SLC16A12: variants seen among roughly 807,000 people sequenced by gnomAD.
SLC16A12 encodes the protein solute carrier family 16 member 12.
Under a neutral mutation model 42.4 loss-of-function variants are expected in SLC16A12, and 17 were observed. The observed-to-expected ratio is 0.40, with a 90% CI of 0.27 to 0.60. The LOEUF (loss-of-function observed/expected upper bound fraction) is 0.60, where lower values mean the gene tolerates loss of function less well. Among genes scored for constraint, SLC16A12 ranks in the 20% least tolerant of loss-of-function variants. SLC16A12 has a pLI of 0.42. For synonymous variants in SLC16A12, 224 were observed against 229.4 expected, an observed-to-expected ratio of 0.98 and a Z score of 0.21; for missense variants, 544 against 623.0, an observed-to-expected ratio of 0.87 and a Z score of 1.35.
chr10:89,453,549 A>G (rs893755620), intron 3 of SLC16A12, among the ~76,000 whole-genome samples: 1 of 152,192 alleles, frequency 6.6e-6, no homozygotes, highest in African/African-American at 2.4e-5. Flanking sequence ...ACAATTGTCT[A>G]CAGTATTCAG....
At position 89,438,610 on chromosome 10, in the gene SLC16A12, T is replaced by C. The variant is rs1254570734; in HGVS notation, c.1022A>G (p.Asp341Gly). ...GTGGTTTCATGAATTTTACCTTCTG[T>C]CGGTCAGCCATCCAAATGTGATATT... ...IGNITFGWLT[D>G]RRCLKNYQYV... Residue 341 changes from aspartate to glycine, a missense_variant, in exon 6 of 8, where the codon GAC (aspartate) becomes GGC (glycine). By Grantham distance (94) the Asp-to-Gly change is moderately conservative. Coordinates refer to ENST00000371790, the MANE Select transcript of SLC16A12 (RefSeq NM_213606.4). The C allele has an allele frequency of 3.7e-6, 6 of 1,613,506 alleles. No individual in the cohort carries two copies. Among genetic ancestry groups the C allele is most frequent in the East Asian group, 4.5e-5 (2 of 44,890 alleles).
intron 6 of SLC16A12, 92 bp from the exon 7 acceptor site, chr10:89,436,411 T>G (rs1841787724): frequency 6.8e-7 from 1 of 1,478,746 alleles, no homozygotes; most frequent in Non-Finnish European, 9.4e-7. Context: ...AGCATTGCAG[T>G]TATTTACAGA....
chr10:89,522,232 C>T (rs989065022), intron 2 of SLC16A12, among the ~76,000 whole-genome samples: 2 of 152,152 alleles, frequency 1.3e-5, no homozygotes, highest in African/African-American at 4.8e-5. Context: ...TTCTTGAATC[C>T]CAACTGTCTA....
intron 2 of SLC16A12, among the ~76,000 whole-genome samples, chr10:89,468,392 A>G (rs1409856928): frequency 6.6e-6 from 1 of 152,238 alleles, no homozygotes; most frequent in Non-Finnish European, 1.5e-5. Context: ...CAGAGAAATG[A>G]AAGGACTCCC....
chr10:89,485,587 G>C (rs891512405), intron 2 of SLC16A12, among the ~76,000 whole-genome samples: 6 of 152,290 alleles, frequency 3.9e-5, no homozygotes, highest in Admixed American at 1.3e-4. Context: ...AGATAGGCTT[G>C]GGGGAGAACA....
chr10:89,527,666 G>A (rs1843477058), intron 2 of SLC16A12, among the ~76,000 whole-genome samples: 1 of 151,684 alleles, frequency 6.6e-6, no homozygotes, highest in Non-Finnish European at 1.5e-5. Context: ...ATTTATCTGG[G>A]CATGGTGGTG....
chr10:89,546,991 C>T (rs1843745509), intron 2 of SLC16A12, among the ~76,000 whole-genome samples: 1 of 152,114 alleles, frequency 6.6e-6, no homozygotes, highest in African/African-American at 2.4e-5. Flanking sequence ...AGTGAGAACA[C>T]ATGGACACAG....
At chr10:89,528,396 C>T (rs1843489308) in intron 2 of SLC16A12, among the ~76,000 whole-genome samples, 1 of 152,044 alleles carries the variant, frequency 6.6e-6, no homozygotes, top group African/African-American at 2.4e-5. Flanking sequence ...CAAAAATACC[C>T]ATATGGTACC....
At chr10:89,441,610 A>G (rs746301197) in intron 4 of SLC16A12, among the ~76,000 whole-genome samples, 1 of 152,220 alleles carries the variant, frequency 6.6e-6, no homozygotes, top group Admixed American at 6.5e-5. Flanking sequence ...ATCATATATC[A>G]TTAGCAATAA....
intron 3 of SLC16A12, among the ~76,000 whole-genome samples, chr10:89,461,870 A>G (rs1354351119): frequency 2.0e-5 from 3 of 152,216 alleles, no homozygotes; most frequent in Non-Finnish European, 4.4e-5. Flanking sequence ...AAAATACTGT[A>G]GGACATTTCC....
intron 2 of SLC16A12, among the ~76,000 whole-genome samples, chr10:89,465,267 A>T (rs888014688): frequency 2.0e-5 from 3 of 152,372 alleles, no homozygotes; most frequent in Admixed American, 1.3e-4. Context: ...AATGCCCTGC[A>T]CTGCTTCTAC....
intron 2 of SLC16A12, among the ~76,000 whole-genome samples, chr10:89,528,772 A>G (rs1231918848): frequency 2.0e-5 from 3 of 152,246 alleles, no homozygotes; most frequent in East Asian, 3.8e-4. Flanking sequence ...TTTAAAAACT[A>G]TCAATACCCT....
chr10:89,465,945 C>G (rs988403249), intron 2 of SLC16A12, among the ~76,000 whole-genome samples: 3 of 152,168 alleles, frequency 2.0e-5, no homozygotes, highest in African/African-American at 7.2e-5. Flanking sequence ...CCCTCTTCTT[C>G]CTGTAGATTC....
chr10:89,497,845 T>C (rs1053838138), intron 2 of SLC16A12, among the ~76,000 whole-genome samples: 1 of 152,204 alleles, frequency 6.6e-6, no homozygotes, highest in Non-Finnish European at 1.5e-5. Context: ...GTCTCAGAGC[T>C]ATATTTTATG....
intron 3 of SLC16A12, 29 bp from the exon 4 acceptor site, chr10:89,443,888 C>CA (rs763187505): frequency 2.8e-6 from 4 of 1,411,904 alleles, no homozygotes; most frequent in Non-Finnish European, 4.0e-6. Flanking sequence ...GCATTTTATA[C>CA]AAAAAATGAA....
At chr10:89,436,447 T>C in intron 6 of SLC16A12, 128 bp from the exon 7 acceptor site, 1 of 1,094,974 alleles carries the variant, frequency 9.1e-7, no homozygotes, top group Non-Finnish European at 1.4e-6. Context: ...GTGTGTTATG[T>C]ATGCTGTCTT....
chr10:89,492,611 A>C (rs1842863322), intron 2 of SLC16A12, among the ~76,000 whole-genome samples: 1 of 152,124 alleles, frequency 6.6e-6, no homozygotes, highest in Non-Finnish European at 1.5e-5. Flanking sequence ...TCTACTAAAA[A>C]CACAAGAGTG....
intron 2 of SLC16A12, among the ~76,000 whole-genome samples, chr10:89,518,140 A>G (rs1843286514): frequency 6.6e-6 from 1 of 152,192 alleles, no homozygotes; most frequent in African/African-American, 2.4e-5. Flanking sequence ...ACAGAGATAA[A>G]CAAGAGGCAG....
chr10:89,439,760 T>C (rs7088848), intron 5 of SLC16A12, among the ~76,000 whole-genome samples: 19,824 of 152,142 alleles, frequency 0.13, 1,423 homozygotes, highest in South Asian at 0.31. Context: ...GTTGACACTT[T>C]AGAAAGTTTT....
Sources: gnomAD v4.1 joint callset for allele counts (sites outside exome capture counted in the v4.1 genomes callset) on GRCh38, gnomAD v4.1.1 for gene constraint, MANE v1.5 for transcripts, NCBI Gene and HGNC (gene_info 2026-07-23, HGNC 2026-07-21) for gene names.